Variants in CFAP61 observed in about 807,000 individuals in gnomAD.
The protein encoded by CFAP61 is cilia- and flagella-associated protein 61.
Under a neutral mutation model 135.6 loss-of-function variants are expected in CFAP61, and 107 were observed. That is an observed-to-expected ratio of 0.79 (90% CI 0.67 to 0.93). The LOEUF is 0.93. Among genes scored for constraint, CFAP61 ranks in the 40% least tolerant of loss-of-function variants. The pLI is 0.00. For missense variants in CFAP61, 1,507 were observed against 1,556.2 expected (o/e 0.97, Z 0.53); for synonymous variants, 575 against 578.5 (o/e 0.99, Z 0.09).
intron 14 of CFAP61, among the ~76,000 whole-genome samples, chr20:20,190,487 CA>C (rs2055843210): frequency 6.6e-6 from 1 of 152,212 alleles, no homozygotes; most frequent in Admixed American, 6.5e-5. Context: ...GGGGGCAACT[CA>C]AGGGATGTTG....
At chr20:20,139,708 T>C (rs2051218001) in intron 8 of CFAP61, among the ~76,000 whole-genome samples, 1 of 152,176 alleles carries the variant, frequency 6.6e-6, no homozygotes, top group African/African-American at 2.4e-5. Flanking sequence ...GGCAGCTGCT[T>C]AGTAATAAAC....
At chr20:20,173,398 A>G (rs2054372908) in intron 13 of CFAP61, among the ~76,000 whole-genome samples, 1 of 152,226 alleles carries the variant, frequency 6.6e-6, no homozygotes, top group Non-Finnish European at 1.5e-5. Flanking sequence ...TCCCACCAGC[A>G]GTGAATGAGA....
chr20:20,212,680 C>G (rs2047739779), intron 17 of CFAP61, among the ~76,000 whole-genome samples: 1 of 152,194 alleles, frequency 6.6e-6, no homozygotes, highest in African/African-American at 2.4e-5. Context: ...CCCCCACCTG[C>G]CACTGAGAAG....
At position 20,320,483 on chromosome 20, in the gene CFAP61, ATAATATATG is replaced by A. The variant is rs2057438734; in HGVS notation, c.3423-21339_3423-21331del. 5.9e-5 allele frequency among the ~76,000 whole-genome samples: 5 copies of A among 85,460 alleles called. 1 individual carries two copies. The South Asian group carries it at 1.5e-3, about 26-fold the overall frequency. 56.1% of individuals were successfully genotyped at this position (85,460 alleles called of 152,430 possible). On this transcript the variant is annotated intron_variant, in intron 25 of 26. Transcript: ENST00000245957. The stretch of plus-strand genomic sequence containing the variant: ...ATGTAATATATAATATATGTAATAT[ATAATATATG>A]TAATATATATTATATATGTAATATA...
chr20:20,260,462 A>G (rs114639865), intron 20 of CFAP61, among the ~76,000 whole-genome samples: 130 of 152,358 alleles, frequency 8.5e-4, no homozygotes, highest in African/African-American at 2.9e-3. Context: ...TTGGCTTTGG[A>G]ATTTATAATT....
At position 20,090,708 on chromosome 20, in the gene CFAP61, A is replaced by G. The variant is rs1456530257; in HGVS notation, c.567-136A>G. The G allele has an allele frequency of 1.3e-5, 8 of 626,432 alleles. No individual in the cohort carries two copies. The African/African-American group carries it at 1.6e-4, about 12-fold the overall frequency. The allele number at this position is 626,432 out of a possible 1,614,324, so 38.8% of individuals were successfully genotyped here. A position where few individuals can be genotyped will look rare whatever the true frequency, so the allele number is the denominator to read the frequency against. On this transcript the variant is annotated intron_variant, in intron 6 of 26. Coordinates refer to ENST00000245957, the MANE Select transcript of CFAP61 (RefSeq NM_015585.4). ...CCTCTCAAAAAAAAAAAAAAAAAAA[A>G]AAAAGAAGGAAAGTTGATATCATGA...
chr20:20,286,739 C>T (rs919246256), intron 22 of CFAP61, among the ~76,000 whole-genome samples: 3 of 152,180 alleles, frequency 2.0e-5, no homozygotes, highest in African/African-American at 7.2e-5. Flanking sequence ...GTTTTCACTC[C>T]AGTCTACAAA....
At chr20:20,166,902 C>T (rs537130761) in intron 12 of CFAP61, among the ~76,000 whole-genome samples, 3 of 152,114 alleles carry the variant, frequency 2.0e-5, no homozygotes, top group Non-Finnish European at 4.4e-5. Flanking sequence ...GGGGCTCAAC[C>T]CACATTGATG....
chr20:20,285,333 C>G (rs2054504346), intron 22 of CFAP61, among the ~76,000 whole-genome samples: 1 of 151,592 alleles, frequency 6.6e-6, no homozygotes, highest in Non-Finnish European at 1.5e-5. Flanking sequence ...TTCTCGAATC[C>G]ATAAATTTAT....
At chr20:20,176,980 T>C (rs1418541841) in intron 13 of CFAP61, among the ~76,000 whole-genome samples, 3 of 152,120 alleles carry the variant, frequency 2.0e-5, no homozygotes, top group Non-Finnish European at 2.9e-5. Context: ...TTATTTTATT[T>C]TATATTTATT....
intron 8 of CFAP61, among the ~76,000 whole-genome samples, chr20:20,121,341 A>G (rs565089033): frequency 2.0e-5 from 3 of 151,734 alleles, no homozygotes; most frequent in Admixed American, 6.6e-5. Flanking sequence ...GCTCCTGAAC[A>G]CAAGCAATTT....
intron 8 of CFAP61, among the ~76,000 whole-genome samples, chr20:20,135,601 A>T (rs2050863313): frequency 6.6e-6 from 1 of 152,230 alleles, no homozygotes; most frequent in Non-Finnish European, 1.5e-5. Flanking sequence ...TGACAACTTA[A>T]CACTGATTGC....
At chr20:20,054,303 T>G (rs2044090973) in intron 1 of CFAP61, among the ~76,000 whole-genome samples, 1 of 152,066 alleles carries the variant, frequency 6.6e-6, no homozygotes, top group Non-Finnish European at 1.5e-5. Context: ...TCCTTTTATA[T>G]TTTTAAAACA....
At chr20:20,148,743 C>T (rs1388935219) in intron 9 of CFAP61, among the ~76,000 whole-genome samples, 1 of 152,096 alleles carries the variant, frequency 6.6e-6, no homozygotes, top group Non-Finnish European at 1.5e-5. Flanking sequence ...CAGGAAACAG[C>T]AACAATTTGA....
At chr20:20,357,063 AGTGGTCACACTGAGAGGAG>A (rs1259725179) in intron 26 of CFAP61, among the ~76,000 whole-genome samples, 12 of 13,496 alleles carry the variant, frequency 8.9e-4, no homozygotes, top group East Asian at 2.3e-3. Context: ...ACTGAGGGGA[AGTGGTCACACTGAGAGGAG>A]GTGGTCACAC....
intron 21 of CFAP61, among the ~76,000 whole-genome samples, chr20:20,275,689 C>T (rs982676424): frequency 1.3e-5 from 2 of 152,274 alleles, no homozygotes; most frequent in South Asian, 4.1e-4. Flanking sequence ...CACTTAAATT[C>T]GTTCAACTGA....
chr20:20,250,793 C>T (rs1297600617), intron 19 of CFAP61, among the ~76,000 whole-genome samples: 1 of 152,192 alleles, frequency 6.6e-6, no homozygotes, highest in Admixed American at 6.5e-5. Flanking sequence ...CCTCACAAAA[C>T]TGTTTAAATA....
chr20:20,152,408 C>T (rs2052528853), intron 9 of CFAP61, among the ~76,000 whole-genome samples: 1 of 151,650 alleles, frequency 6.6e-6, no homozygotes, highest in African/African-American at 2.4e-5. Flanking sequence ...GTAAATGTTC[C>T]ACTTAAAAGA....
intron 6 of CFAP61, among the ~76,000 whole-genome samples, chr20:20,075,916 G>A (rs1314264465): frequency 2.0e-5 from 3 of 151,928 alleles, no homozygotes; most frequent in Admixed American, 6.6e-5. Context: ...AATAAAACAA[G>A]CTTAAAAATG....
Sources: gnomAD v4.1 joint callset for allele counts (sites outside exome capture counted in the v4.1 genomes callset) on GRCh38, gnomAD v4.1.1 for gene constraint, MANE v1.5 for transcripts, NCBI Gene and HGNC (gene_info 2026-07-23, HGNC 2026-07-21) for gene names.